CDH10: variants seen among roughly 807,000 people sequenced by gnomAD.
The protein encoded by CDH10 is cadherin-10.
In CDH10, 30 loss-of-function variants were observed where a neutral mutation model predicts 73.1. The observed-to-expected ratio is 0.41, with a 90% confidence interval of 0.31 to 0.56. The LOEUF (loss-of-function observed/expected upper bound fraction) is 0.56, where lower values mean the gene tolerates loss of function less well. Ranked by LOEUF, CDH10 falls within the 20% of genes least tolerant of loss-of-function variation. The pLI is 0.27. For missense variants in CDH10, 815 were observed against 973.7 expected (o/e 0.84, Z 2.17); for synonymous variants, 345 against 348.2 (o/e 0.99, Z 0.10).
intron 5 of CDH10, among the ~76,000 whole-genome samples, chr5:24,529,144 T>C (rs1743636594): frequency 6.6e-6 from 1 of 152,020 alleles, no homozygotes; most frequent in Non-Finnish European, 1.5e-5. Context: ...GTTGCTGTTT[T>C]ATTTACTTGG....
At chr5:24,569,813 A>T (rs1407725319) in intron 2 of CDH10, among the ~76,000 whole-genome samples, 2 of 150,894 alleles carry the variant, frequency 1.3e-5, no homozygotes, top group African/African-American at 4.9e-5. Flanking sequence ...CCCAGGCTGG[A>T]GTGCAGTGGC....
chr5:24,619,390 T>A (rs1747234954), intron 1 of CDH10, among the ~76,000 whole-genome samples: 1 of 152,142 alleles, frequency 6.6e-6, no homozygotes, highest in African/African-American at 2.4e-5. Flanking sequence ...AGACGAGGTT[T>A]CACCGTGTTA....
intron 1 of CDH10, among the ~76,000 whole-genome samples, chr5:24,604,922 A>G (rs1343177588): frequency 6.6e-6 from 1 of 151,848 alleles, no homozygotes; most frequent in Non-Finnish European, 1.5e-5. Flanking sequence ...AACAAAAGAA[A>G]GTCAAAAACT....
chr5:24,547,502 AAGAG>A (rs1744387104), intron 2 of CDH10, among the ~76,000 whole-genome samples: 2 of 152,076 alleles, frequency 1.3e-5, no homozygotes, highest in African/African-American at 4.8e-5. Flanking sequence ...AAAAAAAAAT[AAGAG>A]TTTTTATGGT....
chr5:24,556,983 A>T (rs1319596141), intron 2 of CDH10, among the ~76,000 whole-genome samples: 1 of 151,800 alleles, frequency 6.6e-6, no homozygotes, highest in African/African-American at 2.4e-5. Context: ...ATTTTTCTTT[A>T]AAAAAGTACA....
chr5:24,600,307 T>C (rs1326604866), intron 1 of CDH10, among the ~76,000 whole-genome samples: 2 of 152,184 alleles, frequency 1.3e-5, no homozygotes, highest in Non-Finnish European at 2.9e-5. Flanking sequence ...TGTTTTTTTC[T>C]TCACATCTCA....
intron 5 of CDH10, among the ~76,000 whole-genome samples, chr5:24,524,846 T>C (rs541407832): frequency 1.3e-5 from 2 of 152,270 alleles, no homozygotes; most frequent in African/African-American, 2.4e-5. Flanking sequence ...ATCCTGATAC[T>C]GACAACCTCA....
chr5:24,505,058 T>A (rs1391588029), intron 8 of CDH10, 54 bp downstream of exon 8: 4 of 1,224,500 alleles, frequency 3.3e-6, no homozygotes, highest in African/African-American at 1.5e-5. Flanking sequence ...CTGCATAAAA[T>A]ATATAAACAT....
At chr5:24,542,393 T>C (rs1441776145) in intron 2 of CDH10, among the ~76,000 whole-genome samples, 2 of 152,148 alleles carry the variant, frequency 1.3e-5, no homozygotes, top group African/African-American at 2.4e-5. Flanking sequence ...AAGTTTATAA[T>C]ACTGTATTTT....
At position 24,564,627 on chromosome 5, in the gene CDH10, C is replaced by T. The variant is rs77673132; in HGVS notation, c.232-26953G>A. On this transcript the variant is annotated intron_variant, in intron 2 of 11. Transcript: ENST00000264463. ...ATTTTTATATCAATCTGAATAAATA[C>T]GTTTAAAACATGAATTCACATCAGT... 9.1e-3 allele frequency among the ~76,000 whole-genome samples: 1,384 copies of T among 152,252 alleles called. 22 individuals are homozygous for T. The highest frequency in any genetic ancestry group is 0.032 in the African/African-American group (1,328 of 41,560).
At chr5:24,489,947 T>C (rs1741989484) in intron 11 of CDH10, among the ~76,000 whole-genome samples, 1 of 152,040 alleles carries the variant, frequency 6.6e-6, no homozygotes, top group African/African-American at 2.4e-5. Flanking sequence ...CACTCAGAAA[T>C]TGTGTGACCT....
At chr5:24,618,113 T>C (rs1747184607) in intron 1 of CDH10, among the ~76,000 whole-genome samples, 1 of 152,182 alleles carries the variant, frequency 6.6e-6, no homozygotes, top group African/African-American at 2.4e-5. Context: ...CACTGTTAAA[T>C]GTGAAATATG....
At chr5:24,637,339 T>C (rs920618702) in intron 1 of CDH10, among the ~76,000 whole-genome samples, 3 of 151,946 alleles carry the variant, frequency 2.0e-5, no homozygotes, top group Non-Finnish European at 4.4e-5. Flanking sequence ...GCAGTATATC[T>C]AATGGAAGAT....
chr5:24,590,083 T>A (rs910770805), intron 2 of CDH10, among the ~76,000 whole-genome samples: 3 of 151,996 alleles, frequency 2.0e-5, no homozygotes, highest in Non-Finnish European at 2.9e-5. Context: ...AGAAAGCTCT[T>A]ACACTAAATA....
intron 2 of CDH10, among the ~76,000 whole-genome samples, chr5:24,560,429 T>C (rs1037463232): frequency 2.0e-5 from 3 of 152,118 alleles, no homozygotes; most frequent in African/African-American, 7.2e-5. Context: ...TTTCTTTTCA[T>C]TTATATAATT....
intron 2 of CDH10, among the ~76,000 whole-genome samples, chr5:24,566,422 A>G (rs1004210173): frequency 6.6e-6 from 1 of 152,186 alleles, no homozygotes; most frequent in African/African-American, 2.4e-5. Flanking sequence ...AATTATTTTC[A>G]AAATACTTGG....
intron 1 of CDH10, among the ~76,000 whole-genome samples, chr5:24,618,017 G>A (rs893273264): frequency 1.3e-5 from 2 of 152,120 alleles, no homozygotes; most frequent in African/African-American, 4.8e-5. Flanking sequence ...ATGGCTAAAA[G>A]GGTAGTTAAC....
intron 4 of CDH10, 90 bp from the exon 5 acceptor site, chr5:24,535,369 G>T: frequency 8.1e-7 from 1 of 1,228,330 alleles, no homozygotes; most frequent in Non-Finnish European, 1.2e-6. Flanking sequence ...TTAAGCTAGT[G>T]ATTTTTTTGA....
At chr5:24,497,119 A>G (rs1234276329) in intron 9 of CDH10, among the ~76,000 whole-genome samples, 4 of 152,192 alleles carry the variant, frequency 2.6e-5, no homozygotes, top group Non-Finnish European at 5.9e-5. Flanking sequence ...AGCCAGTTAT[A>G]GTGAAAAAGA....
Sources: allele counts gnomAD v4.1 joint callset (sites outside exome capture counted in the v4.1 genomes callset), GRCh38; gene constraint gnomAD v4.1.1; transcripts MANE v1.5; gene names NCBI Gene and HGNC (gene_info 2026-07-23, HGNC 2026-07-21).